The following TMPRSS11F variants were observed in gnomAD, a reference collection of about 807,000 sequenced individuals.
The protein encoded by TMPRSS11F is transmembrane protease serine 11F.
TMPRSS11F carries 47 observed loss-of-function variants against 60.2 expected under a neutral mutation model. The ratio of observed to expected loss-of-function variants is 0.78; its 90% CI spans 0.62 to 1.00. The LOEUF is 1.00. Ranked by LOEUF, TMPRSS11F falls within the 50% of genes least tolerant of loss-of-function variation. The pLI, the probability that TMPRSS11F is intolerant of heterozygous loss-of-function variation, is 0.00. For synonymous variants in TMPRSS11F, 166 were observed against 167.3 expected (o/e 0.99, Z 0.06); for missense variants, 519 against 522.9 (o/e 0.99, Z 0.07).
chr4:68,068,100 T>C (rs1723367790), intron 7 of TMPRSS11F, among the ~76,000 whole-genome samples: 1 of 152,074 alleles, frequency 6.6e-6, no homozygotes, highest in African/African-American at 2.4e-5. Flanking sequence ...TAAGACAAGG[T>C]AGCAGGTCTC....
chr4:68,095,895 C>CAAAAAAA (rs56309846), intron 2 of TMPRSS11F, among the ~76,000 whole-genome samples: 13 of 83,530 alleles, frequency 1.6e-4, no homozygotes, highest in African/African-American at 1.8e-4. Context: ...GATTCCATCT[C>CAAAAAAA]AAAAAAAAAA....
intron 1 of TMPRSS11F, among the ~76,000 whole-genome samples, chr4:68,103,445 C>A (rs1309647647): frequency 4.9e-5 from 7 of 142,098 alleles, no homozygotes; most frequent in African/African-American, 1.8e-4. Context: ...GACCCTGTCT[C>A]AAAAAAAAAA....
intron 3 of TMPRSS11F, among the ~76,000 whole-genome samples, chr4:68,083,050 A>C (rs528583505): frequency 6.6e-6 from 1 of 152,324 alleles, no homozygotes; most frequent in East Asian, 1.9e-4. Context: ...TGATGGGCAA[A>C]AAAACTGTGA....
intron 3 of TMPRSS11F, among the ~76,000 whole-genome samples, chr4:68,076,666 C>G (rs2109850735): frequency 6.6e-6 from 1 of 152,212 alleles, no homozygotes; most frequent in African/African-American, 2.4e-5. Flanking sequence ...TCCTATTATC[C>G]CAAGTTTAGC....
At chr4:68,129,221 A>G (rs1224818318) in intron 1 of TMPRSS11F, among the ~76,000 whole-genome samples, 2 of 152,144 alleles carry the variant, frequency 1.3e-5, no homozygotes, top group African/African-American at 2.4e-5. Context: ...CTTAAATTCA[A>G]CAATTGATCA....
chr4:68,113,633 TACTCGAAGCA>T (rs1344809271), intron 1 of TMPRSS11F, among the ~76,000 whole-genome samples: 2 of 152,188 alleles, frequency 1.3e-5, no homozygotes, highest in Non-Finnish European at 2.9e-5. Context: ...AGTTGCAAAG[TACTCGAAGCA>T]AATACTGTTA....
chr4:68,062,343 C>A, intron 8 of TMPRSS11F: 1 of 467,166 alleles, frequency 2.1e-6, no homozygotes, highest in Non-Finnish European at 4.2e-6. Flanking sequence ...CTCAGTTTCC[C>A]AAACAAGCTC....
intron 3 of TMPRSS11F, among the ~76,000 whole-genome samples, chr4:68,085,959 T>C (rs1723803619): frequency 6.6e-6 from 1 of 152,120 alleles, no homozygotes; most frequent in African/African-American, 2.4e-5. Flanking sequence ...CTGATAACAT[T>C]ACACAGATCA....
chr4:68,066,592 G>A (rs1577912961), intron 7 of TMPRSS11F, among the ~76,000 whole-genome samples: 1 of 152,118 alleles, frequency 6.6e-6, no homozygotes, highest in Non-Finnish European at 1.5e-5. Context: ...TTTAAGGTTT[G>A]TCTTAAATAT....
rs758954137 is a variant in TMPRSS11F at position 68,073,938 on chromosome 4, A to G, written c.350+4T>C. The G allele has an allele frequency of 7.1e-6, 11 of 1,555,212 alleles. No individual in the cohort carries two copies. The Admixed American group carries it at 1.4e-4, about 19-fold the overall frequency. On this transcript the variant is annotated splice_donor_region_variant and intron_variant, in intron 4 of 9. Coordinates refer to ENST00000356291, the MANE Select transcript of TMPRSS11F (RefSeq NM_207407.2). ...ACTTGAAATTATAAACCAAATTTAC[A>G]TACCTTAATTTGATAACATGAGATT...
Position 68,057,066 on chromosome 4 carries a change from C to T in TMPRSS11F, c.1158+2260G>A, listed in dbSNP as rs189077512. On this transcript the variant is annotated intron_variant, in intron 9 of 9. Coordinates refer to ENST00000356291, the MANE Select transcript of TMPRSS11F (RefSeq NM_207407.2). ...TTGGGAGGCTGAGGCAGGTGGATCA[C>T]TTAAGGTCAGGAGTTCGAGACCAGC... is the stretch of plus-strand genomic sequence containing the variant. Among the ~76,000 whole-genome samples the T allele has an allele frequency of 1.2e-3, 186 of 152,154 alleles. 1 individual carries two copies. The highest frequency in any genetic ancestry group is 1.5e-3 in the Non-Finnish European group (105 of 67,998).
intron 1 of TMPRSS11F, among the ~76,000 whole-genome samples, chr4:68,125,840 T>A (rs2109892908): frequency 6.6e-6 from 1 of 152,314 alleles, no homozygotes; most frequent in African/African-American, 2.4e-5. Context: ...TCCCAAGACT[T>A]CTTTAAGTGC....
chr4:68,127,343 CA>C (rs1386452123), intron 1 of TMPRSS11F, among the ~76,000 whole-genome samples: 1 of 152,050 alleles, frequency 6.6e-6, no homozygotes, highest in African/African-American at 2.4e-5. Context: ...AGCAGCATGT[CA>C]GTATTTGTTT....
intron 1 of TMPRSS11F, among the ~76,000 whole-genome samples, chr4:68,109,794 GT>G: frequency 6.6e-6 from 1 of 152,138 alleles, no homozygotes; most frequent in Non-Finnish European, 1.5e-5. Context: ...TTCTGTGTTT[GT>G]TTTTAACATC....
intron 1 of TMPRSS11F, among the ~76,000 whole-genome samples, chr4:68,111,701 ATGG>A (rs1724412508): frequency 6.6e-6 from 1 of 152,186 alleles, no homozygotes; most frequent in Non-Finnish European, 1.5e-5. Flanking sequence ...TTCTGCCAGC[ATGG>A]TGGTGGACAG....
chr4:68,113,558 A>ATTATAAAATTATAAAATTAT, intron 1 of TMPRSS11F, among the ~76,000 whole-genome samples: 1 of 152,332 alleles, frequency 6.6e-6, no homozygotes, highest in East Asian at 1.9e-4. Context: ...TCATTATAAA[A>ATTATAAAATTATAAAATTAT]GGGTCAATTC....
intron 2 of TMPRSS11F, among the ~76,000 whole-genome samples, chr4:68,094,461 A>G (rs1411001957): frequency 1.4e-5 from 2 of 145,948 alleles, no homozygotes; most frequent in East Asian, 4.0e-4. Context: ...ATGACCAGTT[A>G]GTGGGTGCAG....
At chr4:68,065,126 A>G (rs576973456) in intron 7 of TMPRSS11F, among the ~76,000 whole-genome samples, 182 bp from the exon 8 acceptor site, 80 of 152,330 alleles carry the variant, frequency 5.3e-4, no homozygotes, top group Non-Finnish European at 1.0e-3. Context: ...TTAATTATGT[A>G]CAAATAATTA....
intron 3 of TMPRSS11F, among the ~76,000 whole-genome samples, chr4:68,081,503 G>A (rs1204620909): frequency 2.0e-5 from 3 of 152,172 alleles, no homozygotes; most frequent in Non-Finnish European, 2.9e-5. Flanking sequence ...TGCTCCCAAG[G>A]GGAAAATGGA....
Sources: gnomAD v4.1 joint callset for allele counts (sites outside exome capture counted in the v4.1 genomes callset) on GRCh38, gnomAD v4.1.1 for gene constraint, MANE v1.5 for transcripts, NCBI Gene and HGNC (gene_info 2026-07-23, HGNC 2026-07-21) for gene names.